The following ZC3H13 variants were observed in gnomAD, a reference collection of about 807,000 sequenced individuals.
ZC3H13 encodes zinc finger CCCH domain-containing protein 13.
Under a neutral mutation model 204.1 loss-of-function variants are expected in ZC3H13, and 64 were observed. That is an observed-to-expected ratio of 0.31 (90% CI 0.26 to 0.39). ZC3H13 has a LOEUF of 0.39. Ranked by LOEUF, ZC3H13 falls within the 10% of genes least tolerant of loss-of-function variation. ZC3H13 has a pLI of 1.00. For missense variants in ZC3H13, 1,833 were observed against 2,082.7 expected, an observed-to-expected ratio of 0.88 and a Z score of 2.33; for synonymous variants, 667 against 693.7, an observed-to-expected ratio of 0.96 and a Z score of 0.60.
chr13:46,045,481 T>G lies in ZC3H13; in HGVS notation c.27A>C (p.Thr9=), dbSNP rs200079963. 1.2e-6 allele frequency: 2 copies of G among 1,614,118 alleles called. No individual in the cohort carries two copies. The highest frequency in any genetic ancestry group is 1.1e-5 in the South Asian group (1 of 91,084). ...CAGATATAGTCTTGGTATTTTCCAC[T>G]GTGACCTTCCTTCTAATTTTTGACA... MSKIRRKV[T]VENTKTISDS... The change falls in exon 2 of 19, where the codon ACA becomes ACC. Residue 9 remains threonine, a synonymous_variant. Coordinates refer to ENST00000679008, the MANE Select transcript of ZC3H13 (RefSeq NM_001330564.2).
intron 8 of ZC3H13, among the ~76,000 whole-genome samples, chr13:45,996,575 G>A (rs1422986580): frequency 6.6e-6 from 1 of 152,052 alleles, no homozygotes; most frequent in Non-Finnish European, 1.5e-5. Context: ...CCACTCTACC[G>A]CAACCACTAT....
intron 13 of ZC3H13, 29 bp downstream of exon 13, chr13:45,970,333 T>C (rs755492078): frequency 5.6e-6 from 9 of 1,602,416 alleles, no homozygotes; most frequent in Non-Finnish European, 6.0e-6. Flanking sequence ...AATATGAATA[T>C]AGAGAGACAG....
intron 8 of ZC3H13, among the ~76,000 whole-genome samples, chr13:45,990,910 C>A (rs966950947): frequency 6.6e-6 from 1 of 152,066 alleles, no homozygotes; most frequent in Non-Finnish European, 1.5e-5. Flanking sequence ...CTCAAGTGAT[C>A]CTCCCACCTC....
intron 11 of ZC3H13, among the ~76,000 whole-genome samples, chr13:45,978,496 C>T (rs1953258526): frequency 6.6e-6 from 1 of 152,012 alleles, no homozygotes; most frequent in Non-Finnish European, 1.5e-5. Flanking sequence ...TGTAATCTTA[C>T]TACTCTTAGA....
At chr13:45,957,968 T>C (rs1047986886) in intron 18 of ZC3H13, among the ~76,000 whole-genome samples, 5 of 152,190 alleles carry the variant, frequency 3.3e-5, no homozygotes, top group Admixed American at 1.3e-4. Context: ...GTTATTGTCA[T>C]AGAGAAGGGA....
intron 18 of ZC3H13, among the ~76,000 whole-genome samples, 165 bp from the exon 19 acceptor site, chr13:45,957,462 G>A (rs1951341780): frequency 6.6e-6 from 1 of 152,080 alleles, no homozygotes; most frequent in African/African-American, 2.4e-5. Flanking sequence ...AATGTGTTTG[G>A]GCTCAATGAA....
At chr13:45,981,669 T>C (rs1024328175) in intron 10 of ZC3H13, among the ~76,000 whole-genome samples, 5 of 152,182 alleles carry the variant, frequency 3.3e-5, no homozygotes, top group East Asian at 3.8e-4. Flanking sequence ...TTTTTAATGA[T>C]TGCCATTCTG....
intron 4 of ZC3H13, among the ~76,000 whole-genome samples, chr13:46,036,204 G>A (rs1452431990): frequency 5.3e-5 from 8 of 151,040 alleles, no homozygotes; most frequent in African/African-American, 1.9e-4. Context: ...TAAGAGAACT[G>A]AGGAGGCAAC....
intron 7 of ZC3H13, among the ~76,000 whole-genome samples, chr13:46,005,297 CAA>C (rs1566262384): frequency 1.3e-5 from 2 of 152,134 alleles, no homozygotes; most frequent in Non-Finnish European, 2.9e-5. Flanking sequence ...CCTTATGACC[CAA>C]GTCTCTGCAG....
At chr13:46,040,282 A>G (rs1297437864) in intron 4 of ZC3H13, among the ~76,000 whole-genome samples, 1 of 152,186 alleles carries the variant, frequency 6.6e-6, no homozygotes, top group African/African-American at 2.4e-5. Context: ...ACAGCTGCAG[A>G]AAACTTCTAC....
rs1404820721 is a variant in ZC3H13, at chr13:45,954,768, T to C, written c.*2359A>G. The C allele has an allele frequency of 3.3e-5, 5 of 152,194 alleles. No homozygotes were observed. The highest frequency in any genetic ancestry group is 1.2e-4 in the African/African-American group (5 of 41,460). The allele number at this position is 152,194 out of a possible 1,614,324, so 9.4% of individuals were successfully genotyped here. A position where few individuals can be genotyped will look rare whatever the true frequency, so the allele number is the denominator to read the frequency against. On this transcript the variant is annotated 3_prime_UTR_variant, in exon 19 of 19. Coordinates refer to ENST00000679008, the MANE Select transcript of ZC3H13 (RefSeq NM_001330564.2). ...CAGAACAGATTTTCAAGTTAATAAG[T>C]CATAAAATCCTAATGTAGTCATAGG...
chr13:45,967,975 G>T lies in ZC3H13; in HGVS notation c.3850C>A (p.Arg1284=), dbSNP rs766882570. The T allele has an allele frequency of 6.2e-7, 1 of 1,612,878 alleles. No homozygotes were observed. Among genetic ancestry groups the T allele is most frequent in the Admixed American group, 1.7e-5 (1 of 59,802 alleles). ...GACCCAGATCTTGAATGGACCTGTC[G>T]ATCTGACTCTGGAGAACTTCTTCTT... ...SSRRSSPESD[R]QVHSRSGSFD... is the part of the protein sequence containing the mutation. Residue 1284 remains arginine, a synonymous_variant, in exon 15 of 19, where the codon CGA becomes AGA. Coordinates refer to ENST00000679008, the MANE Select transcript of ZC3H13 (RefSeq NM_001330564.2).
rs369297493 is a variant in ZC3H13, at chr13:45,969,713, T to G, written c.2831A>C (p.Glu944Ala). 6.2e-7 allele frequency: 1 copy of G among 1,613,844 alleles called. No individual in the cohort carries two copies. Among genetic ancestry groups the G allele is most frequent in the Non-Finnish European group, 8.5e-7 (1 of 1,180,016 alleles). The change falls in exon 14 of 19, where the codon GAA (glutamate) becomes GCA (alanine). Residue 944 changes from glutamate to alanine, a missense_variant. Around this residue, in one of 5 missense-constraint regions of ZC3H13, gnomAD observed 1,574 missense variants for 1,757.2 expected, o/e 0.90. Transcript: ENST00000679008. ...AQDIIGHHQS[E>A]DRETSDRAHD... Reference sequence around the variant, plus strand: ...AGCTCGATCAGATGTCTCTCGATCTTCAGACTGGTGGTGTCCTATAATGTC... The same window carrying G: ...AGCTCGATCAGATGTCTCTCGATCTGCAGACTGGTGGTGTCCTATAATGTC...
intron 4 of ZC3H13, among the ~76,000 whole-genome samples, chr13:46,040,143 T>G (rs2043475224): frequency 6.6e-6 from 1 of 152,208 alleles, no homozygotes; most frequent in African/African-American, 2.4e-5. Flanking sequence ...CTGAGAACTA[T>G]TTAAGATTTT....
intron 12 of ZC3H13, among the ~76,000 whole-genome samples, chr13:45,973,595 G>C (rs1952768762): frequency 6.6e-6 from 1 of 152,148 alleles, no homozygotes; most frequent in Non-Finnish European, 1.5e-5. Flanking sequence ...GTTCCAATGA[G>C]CATTTCCTCT....
intron 3 of ZC3H13, 61 bp downstream of exon 3, chr13:46,044,894 T>A: frequency 8.2e-7 from 1 of 1,220,744 alleles, no homozygotes; most frequent in African/African-American, 1.6e-5. Flanking sequence ...ATTTTTATAC[T>A]AGATAAATTA....
rs372157843 is a variant in ZC3H13, at chr13:46,038,358, C to G, written c.339+3806G>C. 1.1e-4 allele frequency among the ~76,000 whole-genome samples: 17 copies of G among 152,322 alleles called. No individual in the cohort carries two copies. The East Asian group carries it at 3.1e-3, about 28-fold the overall frequency. ...TTTCCCTGAAGAGGTCCCTGGTTCT[C>G]CAGGTAATTACTTACTCTCTCCATT... On this transcript the variant is annotated intron_variant, in intron 4 of 18. Transcript: ENST00000679008.
chr13:46,022,711 T>G (rs1207464306), intron 4 of ZC3H13, among the ~76,000 whole-genome samples: 1 of 151,676 alleles, frequency 6.6e-6, no homozygotes, highest in Non-Finnish European at 1.5e-5. Flanking sequence ...ATTTTAAGAG[T>G]TCAGAATTTT....
chr13:46,047,204 T>C (rs1287621354), intron 1 of ZC3H13, among the ~76,000 whole-genome samples: 1 of 152,144 alleles, frequency 6.6e-6, no homozygotes, highest in Non-Finnish European at 1.5e-5. Flanking sequence ...CAACATTTGA[T>C]AAATAAAAGA....
Sources: allele counts gnomAD v4.1 joint callset (sites outside exome capture counted in the v4.1 genomes callset), GRCh38; gene constraint gnomAD v4.1.1; regional missense constraint gnomAD v4.1.1; transcripts MANE v1.5; gene names NCBI Gene and HGNC (gene_info 2026-07-23, HGNC 2026-07-21).